The following PEX14 variants were observed in gnomAD, a reference collection of about 807,000 sequenced individuals.
PEX14 encodes the protein peroxisomal membrane protein PEX14.
Under a neutral mutation model 49.5 loss-of-function variants are expected in PEX14, and 15 were observed. The ratio of observed to expected loss-of-function variants is 0.30; its 90% CI spans 0.20 to 0.47. PEX14 has a LOEUF of 0.47. Among genes scored for constraint, PEX14 ranks in the 20% least tolerant of loss-of-function variants. The pLI is 1.00. For missense variants in PEX14, 398 were observed against 494.8 expected (o/e 0.80, Z 1.86); for synonymous variants, 210 against 212.7 (o/e 0.99, Z 0.11).
chr1:10,552,492 T>G (rs1639364915), intron 3 of PEX14, among the ~76,000 whole-genome samples: 1 of 152,244 alleles, frequency 6.6e-6, no homozygotes, highest in Non-Finnish European at 1.5e-5. Context: ...TGTTCATGCC[T>G]GTTATCTATA....
chr1:10,532,171 C>T (rs1272436739), intron 2 of PEX14, among the ~76,000 whole-genome samples: 1 of 152,162 alleles, frequency 6.6e-6, no homozygotes, highest in Non-Finnish European at 1.5e-5. Flanking sequence ...CCTGAAGTCC[C>T]CCCCGCTTTT....
At chr1:10,548,434 T>A (rs1469038420) in intron 3 of PEX14, among the ~76,000 whole-genome samples, 1 of 152,206 alleles carries the variant, frequency 6.6e-6, no homozygotes, top group African/African-American at 2.4e-5. Flanking sequence ...AGGCAATCTC[T>A]ACTGAAAAAC....
chr1:10,485,936 T>G (rs992645501), intron 1 of PEX14, among the ~76,000 whole-genome samples: 1 of 151,780 alleles, frequency 6.6e-6, no homozygotes, highest in Non-Finnish European at 1.5e-5. Flanking sequence ...TTTTGTATTT[T>G]TAGTAGAGAC....
intron 3 of PEX14, among the ~76,000 whole-genome samples, chr1:10,556,070 A>T (rs1639479558): frequency 6.6e-6 from 1 of 152,152 alleles, no homozygotes; most frequent in South Asian, 2.1e-4. Context: ...GGCAGCCCAG[A>T]GGCCTGCCAC....
intron 3 of PEX14, among the ~76,000 whole-genome samples, chr1:10,572,815 C>T (rs144032901): frequency 0.029 from 4,457 of 152,270 alleles, 98 homozygotes; most frequent in Admixed American, 0.044. Context: ...GGATTACAGG[C>T]GTGAGCTACC....
At chr1:10,570,976 A>G (rs928329924) in intron 3 of PEX14, among the ~76,000 whole-genome samples, 8 of 149,202 alleles carry the variant, frequency 5.4e-5, no homozygotes, top group Admixed American at 3.3e-4. Flanking sequence ...AGCCTCCCAA[A>G]TAGTTGGAAG....
chr1:10,620,512 G>T (rs1360360152), intron 5 of PEX14, among the ~76,000 whole-genome samples: 1 of 151,958 alleles, frequency 6.6e-6, no homozygotes, highest in Non-Finnish European at 1.5e-5. Flanking sequence ...AATAAGCCAG[G>T]CGCAGTGGCT....
chr1:10,549,339 G>A (rs552220612), intron 3 of PEX14, among the ~76,000 whole-genome samples: 1 of 152,174 alleles, frequency 6.6e-6, no homozygotes, highest in African/African-American at 2.4e-5. Context: ...TAAGTCACAC[G>A]CGGAATTGTG....
chr1:10,507,001 C>T (rs602601), intron 2 of PEX14, among the ~76,000 whole-genome samples: 80,749 of 152,130 alleles, frequency 0.53, 21,522 homozygotes, highest in African/African-American at 0.58. Flanking sequence ...TTTGATTAAC[C>T]GAACAATTAC....
chr1:10,481,713 A>T (rs1285050705), intron 1 of PEX14, among the ~76,000 whole-genome samples: 1 of 151,438 alleles, frequency 6.6e-6, no homozygotes, highest in Non-Finnish European at 1.5e-5. Context: ...CTTTTACTTA[A>T]CACATATTTT....
chr1:10,525,870 C>T (rs1200928995), intron 2 of PEX14, among the ~76,000 whole-genome samples: 2 of 151,814 alleles, frequency 1.3e-5, no homozygotes, highest in African/African-American at 4.8e-5. Context: ...GTGATCCGCC[C>T]GCCTTGGCCC....
Position 10,510,350 on chromosome 1 carries a change from T to C in PEX14, c.84+15029T>C, listed in dbSNP as rs139433708. 2.0e-5 allele frequency among the ~76,000 whole-genome samples: 3 copies of C among 152,356 alleles called. No individual in the cohort carries two copies. In the East Asian group the frequency reaches 5.8e-4, roughly 29 times the overall value. On this transcript the variant is annotated intron_variant, in intron 2 of 8. Coordinates refer to ENST00000356607, the MANE Select transcript of PEX14 (RefSeq NM_004565.3). Reference sequence around the variant, plus strand: ...AGATGGCAGGCTGCAGATAAATAATTCTGTTGAAACAGCAGGTTTCTGTGC... The same window carrying C: ...AGATGGCAGGCTGCAGATAAATAATCCTGTTGAAACAGCAGGTTTCTGTGC...
intron 3 of PEX14, among the ~76,000 whole-genome samples, chr1:10,587,865 T>C (rs1026412446): frequency 2.1e-5 from 3 of 141,656 alleles, no homozygotes; most frequent in Non-Finnish European, 3.0e-5. Flanking sequence ...TATAAAAATA[T>C]ACGGACACAC....
At chr1:10,555,696 G>A (rs1639468222) in intron 3 of PEX14, among the ~76,000 whole-genome samples, 1 of 151,814 alleles carries the variant, frequency 6.6e-6, no homozygotes, top group Non-Finnish European at 1.5e-5. Context: ...AGGGGCCGCA[G>A]TGCCTGTGTT....
chr1:10,483,152 G>A lies in PEX14; in HGVS notation c.36+8150G>A, dbSNP rs550038160. Among the ~76,000 whole-genome samples the A allele has an allele frequency of 2.0e-5, 3 of 152,242 alleles. No individual in the cohort carries two copies. The South Asian group carries it at 6.2e-4, about 32-fold the overall frequency. ...AATTAGTTGCTTTCTTTGCAACTTTGCTAGTATTGTTTTAAATTTTTGAGA... is the reference window on the plus strand; with the variant it reads ...AATTAGTTGCTTTCTTTGCAACTTTACTAGTATTGTTTTAAATTTTTGAGA... On this transcript the variant is annotated intron_variant, in intron 1 of 8. Coordinates refer to ENST00000356607, the MANE Select transcript of PEX14 (RefSeq NM_004565.3).
intron 7 of PEX14, among the ~76,000 whole-genome samples, chr1:10,624,977 T>A (rs1215680050): frequency 6.6e-6 from 1 of 152,192 alleles, no homozygotes; most frequent in Non-Finnish European, 1.5e-5. Flanking sequence ...TGTCCTTGCC[T>A]CACTGCCCAA....
chr1:10,519,071 C>T (rs534626992), intron 2 of PEX14, among the ~76,000 whole-genome samples: 1 of 152,220 alleles, frequency 6.6e-6, no homozygotes, highest in African/African-American at 2.4e-5. Context: ...TACACGTTGT[C>T]CAACAGGGGG....
intron 1 of PEX14, among the ~76,000 whole-genome samples, chr1:10,490,547 C>G (rs980948711): frequency 6.6e-6 from 1 of 152,154 alleles, no homozygotes; most frequent in African/African-American, 2.4e-5. Context: ...CCGCCGTAGT[C>G]TTTGCCTGAC....
At chr1:10,587,639 G>T (rs1160924933) in intron 3 of PEX14, among the ~76,000 whole-genome samples, 1 of 152,062 alleles carries the variant, frequency 6.6e-6, no homozygotes, top group Non-Finnish European at 1.5e-5. Flanking sequence ...GTTTACACAT[G>T]TACAAGTGGT....
Sources: gnomAD v4.1 joint callset for allele counts (sites outside exome capture counted in the v4.1 genomes callset) on GRCh38, gnomAD v4.1.1 for gene constraint, MANE v1.5 for transcripts, NCBI Gene and HGNC (gene_info 2026-07-23, HGNC 2026-07-21) for gene names.